The following TMPRSS11E variants were observed in gnomAD, a reference collection of about 807,000 sequenced individuals.
TMPRSS11E encodes the protein transmembrane protease serine 11E.
A neutral mutation model predicts 48.1 loss-of-function variants in TMPRSS11E; 38 were observed. The observed-to-expected ratio is 0.79, with a 90% CI of 0.61 to 1.04. The LOEUF is 1.04. Among genes scored for constraint, TMPRSS11E ranks in the 50% least tolerant of loss-of-function variants. The pLI, the probability that TMPRSS11E is intolerant of heterozygous loss-of-function variation, is 0.00. For missense variants in TMPRSS11E, 530 were observed against 510.8 expected, an observed-to-expected ratio of 1.04 and a Z score of -0.36; for synonymous variants, 158 against 171.9, an observed-to-expected ratio of 0.92 and a Z score of 0.63.
chr4:68,487,704 T>A (rs1016358824), intron 9 of TMPRSS11E, among the ~76,000 whole-genome samples: 1 of 152,008 alleles, frequency 6.6e-6, no homozygotes, highest in Non-Finnish European at 1.5e-5. Context: ...GATATGAAAT[T>A]CTTGATTGGA....
chr4:68,450,065 T>G (rs1728452044), intron 1 of TMPRSS11E, among the ~76,000 whole-genome samples: 2 of 151,842 alleles, frequency 1.3e-5, no homozygotes, highest in Admixed American at 6.6e-5. Flanking sequence ...AATGTAGCAG[T>G]GTTACCCTGT....
At chr4:68,461,762 C>T in intron 1 of TMPRSS11E, 59 bp from the exon 2 acceptor site, 1 of 1,609,604 alleles carries the variant, frequency 6.2e-7, no homozygotes, top group Non-Finnish European at 8.5e-7. Flanking sequence ...TCTGTTTTGT[C>T]TAATGAGTGG....
chr4:68,496,621 T>C, intron 9 of TMPRSS11E, 22 bp from the exon 10 acceptor site: 1 of 1,598,230 alleles, frequency 6.3e-7, no homozygotes, highest in Non-Finnish European at 8.5e-7. Context: ...TATGAATTAC[T>C]AATTTCTGTC....
intron 9 of TMPRSS11E, among the ~76,000 whole-genome samples, chr4:68,489,016 G>A (rs1261317750): frequency 6.6e-6 from 1 of 152,166 alleles, no homozygotes; most frequent in Middle Eastern, 3.2e-3. Context: ...TTGCTGGGGA[G>A]CTAGTTCAGT....
intron 1 of TMPRSS11E, among the ~76,000 whole-genome samples, chr4:68,449,799 C>T (rs1728444388): frequency 1.3e-5 from 2 of 151,784 alleles, no homozygotes; most frequent in Admixed American, 1.3e-4. Context: ...AAAAGTAGTT[C>T]TGTTTTATTT....
chr4:68,484,233 G>A (rs561458137), intron 9 of TMPRSS11E, among the ~76,000 whole-genome samples: 2 of 152,116 alleles, frequency 1.3e-5, no homozygotes, highest in African/African-American at 4.8e-5. Context: ...GAGCAGTATG[G>A]CCATTTTAAC....
chr4:68,464,303 T>A (rs1560549859), intron 2 of TMPRSS11E, among the ~76,000 whole-genome samples: 1 of 152,302 alleles, frequency 6.6e-6, no homozygotes, highest in East Asian at 1.9e-4. Context: ...GTAATCAGAT[T>A]TGGAAAAATA....
intron 2 of TMPRSS11E, among the ~76,000 whole-genome samples, chr4:68,465,287 A>G (rs1238607669): frequency 2.0e-5 from 3 of 152,024 alleles, no homozygotes; most frequent in Non-Finnish European, 4.4e-5. Context: ...TTCATCACCA[A>G]CCGCACCCAA....
At chr4:68,491,758 T>C (rs1225259794) in intron 9 of TMPRSS11E, among the ~76,000 whole-genome samples, 1 of 152,260 alleles carries the variant, frequency 6.6e-6, no homozygotes, top group Non-Finnish European at 1.5e-5. Context: ...CTCTTCAGAA[T>C]TCCATGTTAC....
intron 9 of TMPRSS11E, among the ~76,000 whole-genome samples, chr4:68,489,578 C>T (rs1253507608): frequency 6.6e-6 from 1 of 152,222 alleles, no homozygotes; most frequent in Non-Finnish European, 1.5e-5. Flanking sequence ...GACAGCAAAG[C>T]AGCAGGTAGA....
At chr4:68,463,823 G>A (rs1457791200) in intron 2 of TMPRSS11E, among the ~76,000 whole-genome samples, 2 of 152,090 alleles carry the variant, frequency 1.3e-5, no homozygotes, top group Admixed American at 1.3e-4. Context: ...AATATCAAAT[G>A]AATCATGCCT....
intron 9 of TMPRSS11E, among the ~76,000 whole-genome samples, chr4:68,481,654 T>TA (rs1729403097): frequency 1.3e-5 from 2 of 152,046 alleles, no homozygotes; most frequent in Non-Finnish European, 1.5e-5. Flanking sequence ...TACACTGCTA[T>TA]AAAAAAATAC....
Position 68,461,872 on chromosome 4 carries a change from C to T in TMPRSS11E, c.63C>T (p.Ile21=), listed in dbSNP as rs773048240. 3.7e-6 allele frequency: 6 copies of T among 1,614,166 alleles called. No homozygotes were observed. Among genetic ancestry groups the T allele is most frequent in the East Asian group, 4.5e-5 (2 of 44,874 alleles). Reference sequence around the variant, plus strand: ...GAGTTTGTTGGGAACCCTGGGTTATCGGCCTCGTCATCTTCATATCCCTGA... The same window carrying T: ...GAGTTTGTTGGGAACCCTGGGTTATTGGCCTCGTCATCTTCATATCCCTGA... ...RKRVCWEPWV[I]GLVIFISLIV... is the part of the protein sequence containing the mutation. The change falls in exon 2 of 10, where the codon ATC becomes ATT. Residue 21 remains isoleucine (I), a synonymous_variant. Transcript: ENST00000305363.
intron 2 of TMPRSS11E, 135 bp from the exon 3 acceptor site, chr4:68,466,492 GGGCA>G: frequency 1.2e-6 from 1 of 800,068 alleles, no homozygotes; most frequent in Non-Finnish European, 2.0e-6. Context: ...ATGAGGCCTG[GGGCA>G]GGATGATGAT....
chr4:68,495,228 T>A (rs1729833570), intron 9 of TMPRSS11E, among the ~76,000 whole-genome samples: 1 of 152,132 alleles, frequency 6.6e-6, no homozygotes, highest in East Asian at 1.9e-4. Context: ...CAGCTTGTAA[T>A]GCTATTTACT....
intron 1 of TMPRSS11E, among the ~76,000 whole-genome samples, chr4:68,456,238 T>G (rs191018491): frequency 6.6e-6 from 1 of 152,068 alleles, no homozygotes; most frequent in East Asian, 1.9e-4. Context: ...CACGTAAGTT[T>G]TATGGTTGGC....
chr4:68,456,549 T>A (rs1728637008), intron 1 of TMPRSS11E, among the ~76,000 whole-genome samples: 1 of 152,046 alleles, frequency 6.6e-6, no homozygotes, highest in South Asian at 2.1e-4. Flanking sequence ...TATAGTCCTG[T>A]TCTAGAAAGT....
chr4:68,477,150 G>A (rs1729243999), intron 7 of TMPRSS11E, among the ~76,000 whole-genome samples: 1 of 151,940 alleles, frequency 6.6e-6, no homozygotes, highest in Admixed American at 6.6e-5. Flanking sequence ...CATTTGGAGT[G>A]GATGACTTGG....
intron 8 of TMPRSS11E, among the ~76,000 whole-genome samples, chr4:68,478,149 C>CTTTTTTTTTT (rs141071822): frequency 7.4e-6 from 1 of 134,238 alleles, no homozygotes. Context: ...GTATCACTAT[C>CTTTTTTTTTT]TTTTTTTTTT....
Sources: allele counts gnomAD v4.1 joint callset (sites outside exome capture counted in the v4.1 genomes callset), GRCh38; gene constraint gnomAD v4.1.1; transcripts MANE v1.5; gene names NCBI Gene and HGNC (gene_info 2026-07-23, HGNC 2026-07-21).